ZNF793: variants seen among roughly 807,000 people sequenced by gnomAD.
ZNF793 encodes the protein zinc finger protein 793.
Under a neutral mutation model 12.4 loss-of-function variants are expected in ZNF793, and 5 were observed. The observed-to-expected ratio is 0.40, with a 90% CI of 0.21 to 0.84. ZNF793 has a LOEUF of 0.84. ZNF793 is among the 40% of genes least tolerant of loss of function. The pLI is 0.35. For synonymous variants in ZNF793, 162 were observed against 172.4 expected, an observed-to-expected ratio of 0.94 and a Z score of 0.47; for missense variants, 456 against 495.0, an observed-to-expected ratio of 0.92 and a Z score of 0.75.
intron 5 of ZNF793, among the ~76,000 whole-genome samples, chr19:37,531,561 G>A (rs553922339): frequency 1.1e-4 from 17 of 152,144 alleles, no homozygotes; most frequent in East Asian, 1.9e-4. Context: ...TTTGCCCCCC[G>A]GCCTTTGTTC....
At chr19:37,517,419 G>A (rs147012013) in intron 2 of ZNF793, among the ~76,000 whole-genome samples, 3,801 of 143,030 alleles carry the variant, frequency 0.027, 68 homozygotes, top group South Asian at 0.084. Context: ...TCGCACCACC[G>A]CACTCCAGCC....
Position 37,523,399 on chromosome 19 carries a change from C to G in ZNF793, c.-30-11C>G, listed in dbSNP as rs1465935863. ...CTCTTTCTCCATCTTCTTCCCCCCA[C>G]ATGTCTACAGGTGTCAGATCTTTTT... On this transcript the variant is annotated splice_polypyrimidine_tract_variant and intron_variant, in intron 4 of 7. Transcript: ENST00000627814. 1 of 1,607,368 alleles carries G rather than the reference C, an allele frequency of 6.2e-7. No individual in the cohort carries two copies. Among genetic ancestry groups the G allele is most frequent in the African/African-American group, 1.3e-5 (1 of 74,814 alleles).
In ZNF793 at chr19:37,537,617, T is replaced by C. The variant is rs764172069; in HGVS notation, c.959T>C (p.Phe320Ser). The change falls in exon 8 of 8, where the codon TTT becomes TCT. Residue 320 changes from phenylalanine (F) to serine (S), a missense_variant. Physicochemically the swap from Phe to Ser is radical, Grantham distance 155 (BLOSUM62 -2). Transcript: ENST00000627814. ...PFVCSECGKSFGEKSYLNVHR... is the reference protein window; with the variant it reads ...PFVCSECGKSSGEKSYLNVHR... ...GTCTGCAGTGAATGCGGGAAATCGT[T>C]TGGTGAGAAGTCATACCTCAATGTA... 4 of 1,613,980 alleles carry C rather than the reference T, an allele frequency of 2.5e-6. No individual in the cohort carries two copies. The South Asian group carries it at 3.3e-5, about 13-fold the overall frequency.
intron 2 of ZNF793, among the ~76,000 whole-genome samples, chr19:37,510,563 G>A (rs117595239): frequency 0.018 from 2,780 of 150,978 alleles, 37 homozygotes; most frequent in Non-Finnish European, 0.03. Context: ...TCACACTTGT[G>A]ATCCTAGCTA....
chr19:37,521,069 G>A (rs1054489556), intron 3 of ZNF793, among the ~76,000 whole-genome samples: 2 of 150,966 alleles, frequency 1.3e-5, no homozygotes, highest in African/African-American at 4.9e-5. Context: ...CTCACTGCAA[G>A]CTCCACCTCC....
rs763473004 is a variant in ZNF793, at chr19:37,537,707, A to G, written c.1049A>G (p.Gln350Arg). Reference protein sequence around the residue: ...RCRECGKSFSQKSCLNKHWRT... With the variant: ...RCRECGKSFSRKSCLNKHWRT... ...AGAGAATGTGGAAAATCCTTCAGCC[A>G]GAAGTCATGCCTCAATAAACATTGG... Residue 350 changes from glutamine to arginine, a missense_variant, in exon 8 of 8, where the codon CAG (glutamine) becomes CGG (arginine). By Grantham distance (43) the Gln-to-Arg change is conservative (BLOSUM62 1). Transcript: ENST00000627814. 2 of 1,613,754 alleles carry G rather than the reference A, an allele frequency of 1.2e-6. No homozygotes were observed. Among genetic ancestry groups the G allele is most frequent in the Non-Finnish European group, 1.7e-6 (2 of 1,179,726 alleles).
intron 7 of ZNF793, chr19:37,535,770 T>A (rs2147110587): frequency 6.6e-6 from 1 of 152,014 alleles, no homozygotes; most frequent in East Asian, 2.0e-4. Flanking sequence ...ATGATCCACC[T>A]GCCTCGGCCT....
intron 5 of ZNF793, among the ~76,000 whole-genome samples, chr19:37,527,317 G>T: frequency 6.6e-6 from 1 of 152,080 alleles, no homozygotes; most frequent in South Asian, 2.1e-4. Flanking sequence ...GCCTCCCAAA[G>T]TGCTGAGATT....
In ZNF793 at chr19:37,510,877, T is replaced by TA. The variant is rs1484717796; in HGVS notation, c.-276+2475dup. ...ACGCCCAGCTACTTTTTTGTATTTT[T>TA]AGTAGAGACGGGGGTTTCACTGTGT... On this transcript the variant is annotated intron_variant, in intron 2 of 7. Transcript: ENST00000627814. 7.2e-5 allele frequency among the ~76,000 whole-genome samples: 11 copies of TA among 151,842 alleles called. No homozygotes were observed. The East Asian group carries it at 2.2e-3, about 30-fold the overall frequency.
chr19:37,535,219 C>T (rs1192145351), intron 7 of ZNF793: 1 of 152,146 alleles, frequency 6.6e-6, no homozygotes, highest in Non-Finnish European at 1.5e-5. Context: ...GTCTTGATCT[C>T]CTGACCTCGT....
intron 2 of ZNF793, among the ~76,000 whole-genome samples, chr19:37,512,630 T>A (rs1227031767): frequency 6.6e-6 from 1 of 152,194 alleles, no homozygotes; most frequent in Non-Finnish European, 1.5e-5. Flanking sequence ...TTTCTGTCTC[T>A]CTGTCTGTAA....
chr19:37,509,684 G>A (rs984151837), intron 2 of ZNF793, among the ~76,000 whole-genome samples: 3 of 152,244 alleles, frequency 2.0e-5, no homozygotes, highest in Non-Finnish European at 4.4e-5. Context: ...CACCTATACT[G>A]TGCTCAGTGC....
chr19:37,523,534 A>G, intron 5 of ZNF793, 80 bp downstream of exon 5: 1 of 1,399,760 alleles, frequency 7.1e-7, no homozygotes, highest in Non-Finnish European at 1.0e-6. Flanking sequence ...CATTGTAAGT[A>G]TGTACAGTTT....
chr19:37,537,345 T>C lies in ZNF793; in HGVS notation c.687T>C (p.Cys229=). Residue 229 remains cysteine (C), a synonymous_variant, in exon 8 of 8, where the codon TGT becomes TGC. Transcript: ENST00000627814. The part of the protein sequence containing the change: ...RVPPTEKPHV[C]SECGKAFCYK... ...CACCTACAGAAAAACCCCACGTCTG[T>C]AGTGAGTGTGGGAAAGCCTTCTGCT... is the stretch of plus-strand genomic sequence containing the variant. 3 of 1,613,322 alleles carry C rather than the reference T, an allele frequency of 1.9e-6. No homozygotes were observed. The highest frequency in any genetic ancestry group is 2.5e-6 in the Non-Finnish European group (3 of 1,179,594).
chr19:37,537,671 C>T lies in ZNF793; in HGVS notation c.1013C>T (p.Pro338Leu), dbSNP rs375572663. Residue 338 changes from proline (P) to leucine (L), a missense_variant, in exon 8 of 8, where the codon CCG (proline) becomes CTG (leucine). Transcript: ENST00000627814. ...CGAAAAATGCACACAGGAGAAAGACCGTATCGTTGCAGAGAATGTGGAAAA... is the reference window on the plus strand; with the variant it reads ...CGAAAAATGCACACAGGAGAAAGACTGTATCGTTGCAGAGAATGTGGAAAA... ...VHRKMHTGERPYRCRECGKSF... is the reference protein window; with the variant it reads ...VHRKMHTGERLYRCRECGKSF... The T allele has an allele frequency of 6.4e-5, 103 of 1,613,436 alleles. No homozygotes were observed. Among genetic ancestry groups the T allele is most frequent in the East Asian group, 1.3e-4 (6 of 44,852 alleles).
At position 37,542,609 on chromosome 19, in the gene ZNF793, G is replaced by A. The variant is rs1226912542; in HGVS notation, c.*4730G>A. The A allele has an allele frequency of 7.8e-6, 2 of 257,192 alleles. No homozygotes were observed. The highest frequency in any genetic ancestry group is 2.2e-5 in the African/African-American group (1 of 44,954). The allele number at this position is 257,192 out of a possible 1,614,324, so 15.9% of individuals were successfully genotyped here. A position where few individuals can be genotyped will look rare whatever the true frequency, so the allele number is the denominator to read the frequency against. ...AATACCCATCAACTGGGAAATTGTA[G>A]AAAGGAAAAAACTATAGTGTATCCA... On this transcript the variant is annotated 3_prime_UTR_variant, in exon 8 of 8. Coordinates refer to ENST00000627814, the MANE Select transcript of ZNF793 (RefSeq NM_001013659.3).
At position 37,541,949 on chromosome 19, in the gene ZNF793, C is replaced by T. The variant is rs2042554721; in HGVS notation, c.*4070C>T. 1 of 152,268 alleles carries T rather than the reference C, an allele frequency of 6.6e-6. No individual in the cohort carries two copies. Among genetic ancestry groups the T allele is most frequent in the African/African-American group, 2.4e-5 (1 of 41,436 alleles). 9.4% of individuals were successfully genotyped at this position (152,268 alleles called of 1,614,324 possible). On this transcript the variant is annotated 3_prime_UTR_variant, in exon 8 of 8. Coordinates refer to ENST00000627814, the MANE Select transcript of ZNF793 (RefSeq NM_001013659.3). ...GGACCTGTCCAAAAATGTTTATCCT[C>T]AGTAGTCACTGGGGGATGCAGATTT...
Position 37,533,324 on chromosome 19 carries a change from A to C in ZNF793, c.159A>C (p.Lys53Asn), listed in dbSNP as rs2147103872. 1 of 1,613,892 alleles carries C rather than the reference A, an allele frequency of 6.2e-7. No homozygotes were observed. ...CCGGAACAGGTTATGAAGGCACCAA[A>C]CCAGATGTGATCCTCAGACTGGAGC... ...NLVSVGYEGT[K>N]PDVILRLEQE... Residue 53 changes from lysine to asparagine, a missense_variant, in exon 7 of 8, where the codon AAA (lysine) becomes AAC (asparagine). Lys to Asn is a moderately conservative substitution (Grantham distance 94). Coordinates refer to ENST00000627814, the MANE Select transcript of ZNF793 (RefSeq NM_001013659.3).
At chr19:37,508,764 T>C (rs1222678915) in intron 2 of ZNF793, among the ~76,000 whole-genome samples, 1 of 152,170 alleles carries the variant, frequency 6.6e-6, no homozygotes, top group Non-Finnish European at 1.5e-5. Flanking sequence ...GTAAAAGATT[T>C]GGCTGAAAGA....
Sources: allele counts gnomAD v4.1 joint callset (sites outside exome capture counted in the v4.1 genomes callset), GRCh38; gene constraint gnomAD v4.1.1; transcripts MANE v1.5; gene names NCBI Gene and HGNC (gene_info 2026-07-23, HGNC 2026-07-21).